The following USP6 variants were observed in gnomAD, a reference collection of about 807,000 sequenced individuals.
USP6 encodes the protein ubiquitin specific peptidase 6, also known as ubiquitin carboxyl-terminal hydrolase 6.
A neutral mutation model predicts 175.7 loss-of-function variants in USP6; 128 were observed. The observed-to-expected ratio is 0.73, with a 90% confidence interval of 0.63 to 0.84. The LOEUF (loss-of-function observed/expected upper bound fraction) is 0.84, where lower values mean the gene tolerates loss of function less well. Among genes scored for constraint, USP6 ranks in the 40% least tolerant of loss-of-function variants. The pLI is 0.00. For synonymous variants in USP6, 562 were observed against 630.6 expected, an observed-to-expected ratio of 0.89 and a Z score of 1.63; for missense variants, 1,498 against 1,760.3, an observed-to-expected ratio of 0.85 and a Z score of 2.67.
chr17:5,120,261 G>T (rs1198484281), intron 2 of USP6, among the ~76,000 whole-genome samples: 3 of 152,164 alleles, frequency 2.0e-5, no homozygotes, highest in African/African-American at 4.8e-5. Flanking sequence ...CTGTGCTGTG[G>T]GGTTGGTGGT....
chr17:5,117,441 G>A (rs372284753), intron 1 of USP6, among the ~76,000 whole-genome samples: 21 of 151,594 alleles, frequency 1.4e-4, no homozygotes, highest in Middle Eastern at 3.2e-3. Flanking sequence ...ACTTGAACCC[G>A]GGAGGCAAAG....
intron 34 of USP6, 139 bp downstream of exon 34, chr17:5,168,262 T>C: frequency 9.5e-7 from 1 of 1,052,062 alleles, no homozygotes; most frequent in Non-Finnish European, 1.3e-6. Context: ...TACAAGGTTT[T>C]TATGTTGAAT....
In USP6 at chr17:5,132,413, C is replaced by T. The variant is rs1269990036; in HGVS notation, c.173C>T (p.Pro58Leu). The T allele has an allele frequency of 6.2e-7, 1 of 1,612,182 alleles. No individual in the cohort carries two copies. The highest frequency in any genetic ancestry group is 1.1e-5 in the South Asian group (1 of 90,994). ...CCTTACAGTGAGACGGAGCTGCCTC[C>T]TGTGACTGCACGGGAGGCGAAGGTA... ...FGILHETELP[P>L]VTAREAKKIR... Residue 58 changes from proline (P) to leucine (L), a missense_variant, in exon 12 of 38, where the codon CCT (proline) becomes CTT (leucine). Coordinates refer to ENST00000574788, the MANE Select transcript of USP6 (RefSeq NM_001304284.2). The surrounding 1 kb of genome is among the most constrained non-coding windows in gnomAD (Gnocchi z 4.7).
At position 5,124,810 on chromosome 17, in the gene USP6, A is replaced by G. The variant is rs1033135816; in HGVS notation, c.-1054A>G. 5 of 152,244 alleles carry G rather than the reference A, an allele frequency of 3.3e-5. No individual in the cohort carries two copies. Among genetic ancestry groups the G allele is most frequent in the Non-Finnish European group, 7.3e-5 (5 of 68,046 alleles). The allele number at this position is 152,244 out of a possible 1,614,324, so 9.4% of individuals were successfully genotyped here. A position where few individuals can be genotyped will look rare whatever the true frequency, so the allele number is the denominator to read the frequency against. On this transcript the variant is annotated 5_prime_UTR_variant, in exon 5 of 38. Coordinates refer to ENST00000574788, the MANE Select transcript of USP6 (RefSeq NM_001304284.2). The stretch of plus-strand genomic sequence containing the variant: ...AGATGGTGAAGGGATGGAATGCTCC[A>G]CGGAGCTCCAGGCTTACTATCTACA...
chr17:5,156,028 G>A (rs1483923752), intron 31 of USP6, among the ~76,000 whole-genome samples: 4 of 152,178 alleles, frequency 2.6e-5, no homozygotes, highest in African/African-American at 9.7e-5. Context: ...GAGAGCGACT[G>A]CATACATGAA....
In USP6 at chr17:5,169,809, C is replaced by G; in HGVS notation, c.3518-670C>G. Among the ~76,000 whole-genome samples the G allele has an allele frequency of 1.3e-5, 2 of 152,090 alleles. 1 individual carries two copies. The highest frequency in any genetic ancestry group is 2.9e-5 in the Non-Finnish European group (2 of 68,034). On this transcript the variant is annotated intron_variant, in intron 35 of 37. Transcript: ENST00000574788. ...TCACTTTTTTTCTCTCACAGATGTA[C>G]AATGGTGTAAGAGAAAACATGACAT...
chr17:5,124,827 C>G lies in USP6; in HGVS notation c.-1037C>G, dbSNP rs1198806544. 6.6e-6 allele frequency: 1 copy of G among 152,230 alleles called. No homozygotes were observed. The highest frequency in any genetic ancestry group is 6.5e-5 in the Admixed American group (1 of 15,286). 9.4% of individuals were successfully genotyped at this position (152,230 alleles called of 1,614,324 possible). ...AATGCTCCACGGAGCTCCAGGCTTA[C>G]TATCTACAGCCCCCAAAGTGTGCTG... On this transcript the variant is annotated 5_prime_UTR_variant, in exon 5 of 38. An upstream open reading frame in the 5' UTR gains an earlier in-frame stop. Transcript: ENST00000574788.
intron 23 of USP6, 127 bp downstream of exon 23, chr17:5,141,626 T>C: frequency 1.2e-6 from 1 of 817,210 alleles, no homozygotes; most frequent in African/African-American, 1.8e-5. Flanking sequence ...TCTTTTTCTT[T>C]TTTCCTGAAG....
rs757920999 is a variant in USP6 at position 5,170,596 on chromosome 17, T to C, written c.3635T>C (p.Ile1212Thr). Reference protein sequence around the residue: ...RSKGRLRLPQIGSKNKPSSSK... With the variant: ...RSKGRLRLPQTGSKNKPSSSK... ...AAAGGGAGGCTCCGGCTGCCCCAGA[T>C]TGGCAGCAAAAATAAGCCGTCAAGT... is the stretch of plus-strand genomic sequence containing the variant. Residue 1212 changes from isoleucine (I) to threonine (T), a missense_variant, in exon 36 of 38, where the codon ATT becomes ACT. Coordinates refer to ENST00000574788, the MANE Select transcript of USP6 (RefSeq NM_001304284.2). 15 of 1,612,752 alleles carry C rather than the reference T, an allele frequency of 9.3e-6. No homozygotes were observed. Among genetic ancestry groups the C allele is most frequent in the Admixed American group, 1.7e-5 (1 of 59,992 alleles).
chr17:5,159,599 T>TC (rs1447429093), intron 31 of USP6, among the ~76,000 whole-genome samples: 4 of 151,886 alleles, frequency 2.6e-5, no homozygotes, highest in Non-Finnish European at 5.9e-5. Flanking sequence ...GAAGAAGAGA[T>TC]CATGTACAAG....
intron 31 of USP6, among the ~76,000 whole-genome samples, chr17:5,158,453 G>C (rs1296885785): frequency 2.6e-5 from 4 of 152,040 alleles, no homozygotes; most frequent in Non-Finnish European, 5.9e-5. Context: ...TGTAATCCCA[G>C]ATACTTGGGT....
intron 14 of USP6, 100 bp downstream of exon 14, chr17:5,133,650 G>GGGGC: frequency 9.0e-6 from 5 of 556,548 alleles, no homozygotes; most frequent in Admixed American, 2.2e-5. Flanking sequence ...GGGGGGGTGG[G>GGGGC]AGGGGATGGT....
intron 4 of USP6, chr17:5,123,121 GGGCGGCGGCAGCGGCCGGCGCT>G (rs1191269580): frequency 1.9e-5 from 3 of 154,008 alleles, no homozygotes; most frequent in African/African-American, 7.2e-5. Flanking sequence ...GCCGTCAGAG[GGGCGGCGGCAGCGGCCGGCGCT>G]GGCAGTGGCT....
In USP6 at chr17:5,167,934, T is replaced by C. The variant is rs771812471; in HGVS notation, c.3039T>C (p.Val1013=). The change falls in exon 34 of 38, where the codon GTT becomes GTC. Residue 1013 remains valine (V), a splice_region_variant and synonymous_variant. Coordinates refer to ENST00000574788, the MANE Select transcript of USP6 (RefSeq NM_001304284.2). The stretch of plus-strand genomic sequence containing the variant: ...CCTCCTGTTCCCTCTACCTACAGGT[T>C]GTAGATAAGCATGAGAGTGTGGAGC... The part of the protein sequence containing the change: ...HLRYQTSQER[V]VDKHESVEQS... The C allele has an allele frequency of 1.9e-6, 3 of 1,610,438 alleles. No individual in the cohort carries two copies. The highest frequency in any genetic ancestry group is 2.5e-6 in the Non-Finnish European group (3 of 1,178,660).
rs992998469 is a variant in USP6 at position 5,142,067 on chromosome 17, C to T, written c.1638C>T (p.Ser546=). 2 of 1,613,780 alleles carry T rather than the reference C, an allele frequency of 1.2e-6. No individual in the cohort carries two copies. Among genetic ancestry groups the T allele is most frequent in the Non-Finnish European group, 1.7e-6 (2 of 1,179,846 alleles). The change falls in exon 24 of 38, where the codon AGC becomes AGT. Residue 546 remains serine, a synonymous_variant. Transcript: ENST00000574788. ...GAAACACATGCTTCATGAACTCAAG[C>T]ATCCAGTGCGTTAGTAACACACAGC... The part of the protein sequence containing the change: ...NLGNTCFMNS[S]IQCVSNTQPL...
chr17:5,142,269 T>C (rs1187274723), intron 24 of USP6, 128 bp downstream of exon 24: 8 of 1,536,638 alleles, frequency 5.2e-6, no homozygotes, highest in Non-Finnish European at 7.0e-6. Flanking sequence ...TAATATGAAA[T>C]AGGCCAAGGA....
At chr17:5,169,805 T>C (rs529706711) in intron 35 of USP6, among the ~76,000 whole-genome samples, 7 of 152,088 alleles carry the variant, frequency 4.6e-5, no homozygotes, top group African/African-American at 1.7e-4. Flanking sequence ...CTCTCACAGA[T>C]GTACAATGGT....
intron 2 of USP6, among the ~76,000 whole-genome samples, chr17:5,118,563 G>A (rs146729247): frequency 3.3e-4 from 51 of 152,346 alleles, no homozygotes; most frequent in African/African-American, 1.2e-3. Flanking sequence ...CTGGCCCCTA[G>A]CCCCATTGCG....
At position 5,147,232 on chromosome 17, in the gene USP6, T is replaced by C. The variant is rs561695277; in HGVS notation, c.2431+38T>C. The C allele has an allele frequency of 2.6e-6, 4 of 1,555,828 alleles. No individual in the cohort carries two copies. In the South Asian group the frequency reaches 4.6e-5, roughly 18 times the overall value. Reference sequence around the variant, plus strand: ...TAGAACTCCTTCTCATGACTGCACCTTTAAATATTTGTCTAAGAGTTGTCA... The same window carrying C: ...TAGAACTCCTTCTCATGACTGCACCCTTAAATATTTGTCTAAGAGTTGTCA... On this transcript the variant is annotated intron_variant, in intron 29 of 37. Transcript: ENST00000574788.
Sources: allele counts gnomAD v4.1 joint callset (sites outside exome capture counted in the v4.1 genomes callset), GRCh38; gene constraint gnomAD v4.1.1; non-coding constraint Gnocchi (gnomAD v3.1); transcripts MANE v1.5; gene names NCBI Gene and HGNC (gene_info 2026-07-23, HGNC 2026-07-21).